SERPINE2: variants seen among roughly 807,000 people sequenced by gnomAD.
The protein encoded by SERPINE2 is glia-derived nexin.
A neutral mutation model predicts 36.3 loss-of-function variants in SERPINE2; 14 were observed. That is an observed-to-expected ratio of 0.39 (90% CI 0.25 to 0.60). The LOEUF (loss-of-function observed/expected upper bound fraction) is 0.60, where lower values mean the gene tolerates loss of function less well. SERPINE2 is among the 20% of genes least tolerant of loss of function. The pLI, the probability that SERPINE2 is intolerant of heterozygous loss-of-function variation, is 0.57. For missense variants in SERPINE2, 418 were observed against 499.6 expected, an observed-to-expected ratio of 0.84 and a Z score of 1.56; for synonymous variants, 192 against 191.8, an observed-to-expected ratio of 1.00 and a Z score of -0.01.
chr2:224,001,712 C>T lies in SERPINE2; in HGVS notation c.189G>A (p.Gly63=). Reference sequence around the variant, plus strand: ...TGCCGTCCGCCCCCAGCTGAAGCATCCCCAGGACCGACGCAATCCCATGGG... The same window carrying T: ...TGCCGTCCGCCCCCAGCTGAAGCATTCCCAGGACCGACGCAATCCCATGGG... ...ISPHGIASVL[G]MLQLGADGRT... is the part of the protein sequence containing the mutation. The change falls in exon 2 of 9, where the codon GGG becomes GGA. Residue 63 remains glycine, a synonymous_variant. Transcript: ENST00000409304. 6.2e-7 allele frequency: 1 copy of T among 1,614,204 alleles called. No homozygotes were observed. The highest frequency in any genetic ancestry group is 8.5e-7 in the Non-Finnish European group (1 of 1,180,046).
intron 4 of SERPINE2, among the ~76,000 whole-genome samples, chr2:223,990,161 A>G (rs1044368701): frequency 6.6e-6 from 1 of 152,112 alleles, no homozygotes; most frequent in Non-Finnish European, 1.5e-5. Flanking sequence ...GACTCCCAGC[A>G]GCAAACCCAG....
chr2:224,003,086 T>A (rs773775184), intron 1 of SERPINE2, among the ~76,000 whole-genome samples: 1 of 151,894 alleles, frequency 6.6e-6, no homozygotes, highest in Non-Finnish European at 1.5e-5. Flanking sequence ...CAGGGAGCCA[T>A]CTCTATGGCA....
At chr2:224,030,718 T>C (rs896808422) in intron 1 of SERPINE2, 2 of 153,044 alleles carry the variant, frequency 1.3e-5, no homozygotes, top group East Asian at 3.8e-4. Context: ...TAAAGGTAAC[T>C]ATAAACCTTT....
chr2:223,980,958 T>C (rs1298804820), intron 6 of SERPINE2: 1 of 152,646 alleles, frequency 6.6e-6, no homozygotes, highest in East Asian at 1.9e-4. Context: ...TAGATTTTCC[T>C]GGAAGGGCCG....
intron 1 of SERPINE2, among the ~76,000 whole-genome samples, chr2:224,019,568 G>A (rs949390107): frequency 2.3e-5 from 2 of 87,844 alleles, no homozygotes; most frequent in South Asian, 3.0e-4. Context: ...TGGCACCCCA[G>A]CCTCCAGCAT....
intron 4 of SERPINE2, among the ~76,000 whole-genome samples, chr2:223,985,848 A>C (rs1690408006): frequency 6.6e-6 from 1 of 152,192 alleles, no homozygotes. Flanking sequence ...ACTTTATGGT[A>C]CTTCTACTTA....
Position 224,013,617 on chromosome 2 carries a change from C to A in SERPINE2, c.-22-11695G>T, listed in dbSNP as rs141669642. 9.5e-4 allele frequency among the ~76,000 whole-genome samples: 145 copies of A among 152,282 alleles called. 3 individuals are homozygous for A. The highest frequency in any genetic ancestry group is 8.0e-3 in the Admixed American group (122 of 15,296). The stretch of plus-strand genomic sequence containing the variant: ...TTATATATGAATGTTTTAGGTTTTT[C>A]TCTCAGTGGCTGGCTGTTCTGTTTC... On this transcript the variant is annotated intron_variant, in intron 1 of 8. Coordinates refer to ENST00000409304, the MANE Select transcript of SERPINE2 (RefSeq NM_001136528.2).
chr2:224,018,110 A>C (rs1472297946), intron 1 of SERPINE2, among the ~76,000 whole-genome samples: 1 of 152,170 alleles, frequency 6.6e-6, no homozygotes, highest in East Asian at 1.9e-4. Context: ...CCCCAGGGGA[A>C]GCAGCTCAGC....
intron 1 of SERPINE2, among the ~76,000 whole-genome samples, chr2:224,012,574 G>T (rs7602765): frequency 0.8 from 118,951 of 148,572 alleles, 48,726 homozygotes; most frequent in Non-Finnish European, 0.9. Context: ...CTGCACTCCA[G>T]TCTGGGCGAC....
At chr2:224,037,512 C>T (rs781210525) in intron 1 of SERPINE2, among the ~76,000 whole-genome samples, 4 of 152,160 alleles carry the variant, frequency 2.6e-5, no homozygotes, top group Non-Finnish European at 4.4e-5. Flanking sequence ...CAAGGAAGTG[C>T]GCATCTAGAG....
At chr2:223,992,031 A>G in intron 3 of SERPINE2, 31 bp from the exon 4 acceptor site, 1 of 1,603,998 alleles carries the variant, frequency 6.2e-7, no homozygotes. Context: ...CAAGGGAAAA[A>G]TAACCTCAGG....
intron 3 of SERPINE2, among the ~76,000 whole-genome samples, chr2:223,993,560 A>G (rs199911166): frequency 2.8e-4 from 31 of 111,656 alleles, no homozygotes; most frequent in African/African-American, 8.3e-4. Context: ...GTGTGTGTGT[A>G]TGTGTGTATG....
intron 3 of SERPINE2, among the ~76,000 whole-genome samples, chr2:223,997,358 TTAC>T (rs1226556061): frequency 1.3e-5 from 2 of 152,046 alleles, no homozygotes; most frequent in African/African-American, 4.8e-5. Flanking sequence ...GTAGCTGGGA[TTAC>T]AGGTGCCCGC....
At chr2:224,019,823 T>C (rs1381758334) in intron 1 of SERPINE2, among the ~76,000 whole-genome samples, 2 of 150,522 alleles carry the variant, frequency 1.3e-5, no homozygotes, top group African/African-American at 2.4e-5. Flanking sequence ...CTTGTCACTC[T>C]TGCCATGTGG....
chr2:224,017,109 C>T (rs1356129959), intron 1 of SERPINE2, among the ~76,000 whole-genome samples: 2 of 152,196 alleles, frequency 1.3e-5, no homozygotes, highest in South Asian at 2.1e-4. Flanking sequence ...TAAATGCACA[C>T]ACCCCAGTGA....
intron 1 of SERPINE2, among the ~76,000 whole-genome samples, chr2:224,019,589 C>T (rs930655428): frequency 8.6e-5 from 13 of 152,032 alleles, no homozygotes; most frequent in Non-Finnish European, 1.5e-5. Context: ...GGCACCCCAG[C>T]CTCCAGCATG....
intron 1 of SERPINE2, among the ~76,000 whole-genome samples, chr2:224,018,346 C>G (rs1264449730): frequency 1.3e-5 from 2 of 152,132 alleles, no homozygotes; most frequent in African/African-American, 4.8e-5. Context: ...GCCAGACCAG[C>G]CCTGCCTCAG....
intron 1 of SERPINE2, among the ~76,000 whole-genome samples, chr2:224,009,160 G>A (rs937883269): frequency 1.3e-5 from 2 of 152,116 alleles, no homozygotes; most frequent in African/African-American, 2.4e-5. Flanking sequence ...ACGGCAAGGT[G>A]AGTCCCCGGA....
intron 1 of SERPINE2, among the ~76,000 whole-genome samples, chr2:224,021,815 G>A (rs778452113): frequency 6.6e-6 from 1 of 152,196 alleles, no homozygotes; most frequent in Non-Finnish European, 1.5e-5. Context: ...CATGAGGTCA[G>A]GAGTTTGAGA....
Sources: allele counts gnomAD v4.1 joint callset (sites outside exome capture counted in the v4.1 genomes callset), GRCh38; gene constraint gnomAD v4.1.1; transcripts MANE v1.5; gene names NCBI Gene and HGNC (gene_info 2026-07-23, HGNC 2026-07-21).